CCSER2: variants seen among roughly 807,000 people sequenced by gnomAD.
CCSER2 encodes the protein serine-rich coiled-coil domain-containing protein 2.
A neutral mutation model predicts 92.3 loss-of-function variants in CCSER2; 46 were observed. That is an observed-to-expected ratio of 0.50 (90% CI 0.39 to 0.64). The LOEUF (loss-of-function observed/expected upper bound fraction) is 0.64. CCSER2 is among the 30% of genes least tolerant of loss of function. CCSER2 has a pLI of 0.00. For missense variants in CCSER2, 1,244 were observed against 1,238.9 expected (o/e 1.00, Z -0.06); for synonymous variants, 433 against 431.4 (o/e 1.00, Z -0.04).
Position 84,438,505 on chromosome 10 carries a change from C to T in CCSER2, c.1869-7C>T. 2 of 1,542,820 alleles carry T rather than the reference C, an allele frequency of 1.3e-6. No homozygotes were observed. Among genetic ancestry groups the T allele is most frequent in the South Asian group, 1.2e-5 (1 of 81,996 alleles). Reference sequence around the variant, plus strand: ...TTTTCCCTCCACCTTCTTCCCTGCCCTTCCAGAGGCTCTCCCTATAGAGAA... The same window carrying T: ...TTTTCCCTCCACCTTCTTCCCTGCCTTTCCAGAGGCTCTCCCTATAGAGAA... On this transcript the variant is annotated splice_polypyrimidine_tract_variant and splice_region_variant and intron_variant, in intron 5 of 9. Transcript: ENST00000372088.
At chr10:84,457,684 T>TTATA (rs1243177747) in intron 6 of CCSER2, among the ~76,000 whole-genome samples, 4 of 127,188 alleles carry the variant, frequency 3.1e-5, no homozygotes, top group Non-Finnish European at 6.4e-5. Flanking sequence ...ATTATATAAA[T>TTATA]TATATATATT....
At chr10:84,466,746 C>T (rs545622890) in intron 7 of CCSER2, among the ~76,000 whole-genome samples, 1 of 152,084 alleles carries the variant, frequency 6.6e-6, no homozygotes, top group South Asian at 2.1e-4. Flanking sequence ...ATCTCCTGAC[C>T]TCGTGATCCG....
In CCSER2 at chr10:84,373,670, A is replaced by G. The variant is rs1240742168; in HGVS notation, c.1469A>G (p.Asp490Gly). Residue 490 changes from aspartate to glycine, a missense_variant, in exon 3 of 10, where the codon GAT (aspartate) becomes GGT (glycine). By Grantham distance (94) the Asp-to-Gly change is moderately conservative. Coordinates refer to ENST00000372088, the MANE Select transcript of CCSER2 (RefSeq NM_001284240.2). Reference protein sequence around the residue: ...HTSGNNLVSPDTDYRAGSSFE... With the variant: ...HTSGNNLVSPGTDYRAGSSFE... ...TCTGGGAATAATTTGGTTTCACCAG[A>G]TACAGACTACAGAGCTGGTTCTTCG... 14 of 1,613,472 alleles carry G rather than the reference A, an allele frequency of 8.7e-6. No homozygotes were observed. Among genetic ancestry groups the G allele is most frequent in the Middle Eastern group, 1.6e-4 (1 of 6,082 alleles).
chr10:84,385,977 A>C (rs1396379285), intron 3 of CCSER2, among the ~76,000 whole-genome samples: 1 of 152,236 alleles, frequency 6.6e-6, no homozygotes, highest in Non-Finnish European at 1.5e-5. Flanking sequence ...CAAACATAAA[A>C]AAAACTCAAC....
chr10:84,463,383 C>T (rs1306969220), intron 6 of CCSER2, among the ~76,000 whole-genome samples: 3 of 152,144 alleles, frequency 2.0e-5, no homozygotes, highest in African/African-American at 7.2e-5. Context: ...TCCCTTTAGT[C>T]TACCATCATT....
chr10:84,457,154 G>A (rs1020546052), intron 6 of CCSER2, among the ~76,000 whole-genome samples: 15 of 135,916 alleles, frequency 1.1e-4, no homozygotes, highest in Admixed American at 5.0e-4. Context: ...CATTATGCTC[G>A]GTATTTACTT....
intron 8 of CCSER2, among the ~76,000 whole-genome samples, chr10:84,471,293 G>C (rs1488770271): frequency 6.6e-6 from 1 of 151,972 alleles, no homozygotes; most frequent in Non-Finnish European, 1.5e-5. Flanking sequence ...TGAATAAAAA[G>C]TAGCATAATA....
intron 9 of CCSER2, among the ~76,000 whole-genome samples, chr10:84,505,585 G>A (rs1183723220): frequency 6.6e-6 from 1 of 152,100 alleles, no homozygotes; most frequent in Non-Finnish European, 1.5e-5. Flanking sequence ...ATGCAAACTA[G>A]AGTAACTCAG....
chr10:84,386,506 C>T (rs1351918253), intron 3 of CCSER2, among the ~76,000 whole-genome samples: 1 of 152,156 alleles, frequency 6.6e-6, no homozygotes, highest in Admixed American at 6.5e-5. Flanking sequence ...CACTTGAGGC[C>T]AGGAGTTCAA....
chr10:84,376,133 A>G (rs1246354579), intron 3 of CCSER2, among the ~76,000 whole-genome samples: 2 of 152,118 alleles, frequency 1.3e-5, no homozygotes, highest in African/African-American at 4.8e-5. Flanking sequence ...GCAATCTCCT[A>G]ATCATGTCAA....
intron 3 of CCSER2, chr10:84,389,098 T>C (rs1006651618): frequency 4.2e-6 from 1 of 237,842 alleles, no homozygotes; most frequent in African/African-American, 2.3e-5. Context: ...ATCTGACCAA[T>C]AATAACTTTT....
intron 3 of CCSER2, among the ~76,000 whole-genome samples, chr10:84,386,604 A>T (rs1457830141): frequency 6.6e-6 from 1 of 152,184 alleles, no homozygotes; most frequent in Non-Finnish European, 1.5e-5. Context: ...CTGCGATCCC[A>T]GCTATTCGGG....
chr10:84,456,765 A>G (rs983560425), intron 6 of CCSER2, among the ~76,000 whole-genome samples: 1 of 152,172 alleles, frequency 6.6e-6, no homozygotes, highest in Non-Finnish European at 1.5e-5. Flanking sequence ...TCAGTGTATT[A>G]TAAAAGCCAC....
Position 84,477,626 on chromosome 10 carries a change from G to GCTGA in CCSER2, c.2288_2291dup (p.Lys765Ter). 6.2e-7 allele frequency: 1 copy of GCTGA among 1,612,390 alleles called. No individual in the cohort carries two copies. Among genetic ancestry groups the GCTGA allele is most frequent in the Non-Finnish European group, 8.5e-7 (1 of 1,178,822 alleles). On this transcript the variant is annotated frameshift_variant, in exon 9 of 10. Coordinates refer to ENST00000372088, the MANE Select transcript of CCSER2 (RefSeq NM_001284240.2). LOFTEE classifies it high-confidence loss of function. ...ATGTAAAGAGGAAAAATGCACTTATGCTGATAAATATACCCAAACACCCTG... is the reference window on the plus strand; with the variant it reads ...ATGTAAAGAGGAAAAATGCACTTATGCTGACTGATAAATATACCCAAACACCCTG...
In CCSER2 at chr10:84,437,309, A is replaced by G. The variant is rs1844230976; in HGVS notation, c.1869-1203A>G. Among the ~76,000 whole-genome samples the G allele has an allele frequency of 1.3e-5, 2 of 152,208 alleles. 1 individual carries two copies. Among genetic ancestry groups the G allele is most frequent in the South Asian group, 4.1e-4 (2 of 4,826 alleles). On this transcript the variant is annotated intron_variant, in intron 5 of 9. Transcript: ENST00000372088. ...CAAGGCGGGTGGATCACCTGAGGTC[A>G]GAAGTTCAAGACCAGCCTGGCCAAC...
intron 8 of CCSER2, among the ~76,000 whole-genome samples, chr10:84,471,616 G>A (rs1443344372): frequency 5.9e-5 from 9 of 151,746 alleles, no homozygotes; most frequent in African/African-American, 1.7e-4. Context: ...ATATTTGAGA[G>A]GTAAATTGAA....
chr10:84,478,865 C>A (rs1474200344), intron 9 of CCSER2, among the ~76,000 whole-genome samples: 1 of 152,096 alleles, frequency 6.6e-6, no homozygotes, highest in Non-Finnish European at 1.5e-5. Context: ...GCAAAAGATA[C>A]CAACAGAAAA....
intron 8 of CCSER2, among the ~76,000 whole-genome samples, chr10:84,476,902 G>C (rs1275878141): frequency 1.3e-5 from 2 of 152,134 alleles, no homozygotes; most frequent in African/African-American, 4.8e-5. Flanking sequence ...TCAAAGGGCT[G>C]ACACTCTTCA....
intron 9 of CCSER2, among the ~76,000 whole-genome samples, chr10:84,502,486 C>T (rs1320222881): frequency 1.3e-5 from 2 of 151,792 alleles, no homozygotes; most frequent in East Asian, 3.9e-4. Context: ...ATTCTCCTGC[C>T]TCAGCCTCCC....
Sources: gnomAD v4.1 joint callset for allele counts (sites outside exome capture counted in the v4.1 genomes callset) on GRCh38, gnomAD v4.1.1 for gene constraint, MANE v1.5 for transcripts, NCBI Gene and HGNC (gene_info 2026-07-23, HGNC 2026-07-21) for gene names.